Variants in SYTL4 observed in about 807,000 individuals in gnomAD.
SYTL4 encodes the protein synaptotagmin like 4.
SYTL4 carries 16 observed loss-of-function variants against 52.7 expected under a neutral mutation model. The ratio of observed to expected loss-of-function variants is 0.30; its 90% CI spans 0.21 to 0.46. The LOEUF is 0.46. SYTL4 is among the 20% of genes least tolerant of loss of function. The pLI, the probability that SYTL4 is intolerant of heterozygous loss-of-function variation, is 1.00. For synonymous variants in SYTL4, 160 were observed against 186.6 expected, an observed-to-expected ratio of 0.86 and a Z score of 1.16; for missense variants, 423 against 519.9, an observed-to-expected ratio of 0.81 and a Z score of 1.81.
chrX:100,679,621 C>T (rs1239601669), intron 17 of SYTL4, among the ~76,000 whole-genome samples: 1 of 112,141 alleles, frequency 8.9e-6, no homozygotes, highest in Non-Finnish European at 1.9e-5. Flanking sequence ...TTAATAAATG[C>T]CTATTGAAAA....
At chrX:100,713,052 G>A (rs772045890) in intron 2 of SYTL4, among the ~76,000 whole-genome samples, 2 of 112,457 alleles carry the variant, frequency 1.8e-5, no homozygotes, top group African/African-American at 6.5e-5. Flanking sequence ...AAATGGTATA[G>A]CCATATTGGA....
At position 100,701,274 on chromosome X, in the gene SYTL4, C is replaced by A; in HGVS notation, c.382G>T (p.Ala128Ser). 8.3e-7 allele frequency: 1 copy of A among 1,211,685 alleles called. No individual in the cohort carries two copies. The highest frequency in any genetic ancestry group is 1.1e-6 in the Non-Finnish European group (1 of 895,358). Reference protein sequence around the residue: ...WFYDQKVNRFAYRTGSEIIRM... With the variant: ...WFYDQKVNRFSYRTGSEIIRM... ...ATTATCTCACTACCTGTGCGGTAAG[C>A]AAAGCGATTCACTTTCTGGTCATAA... is the stretch of plus-strand genomic sequence containing the variant. Residue 128 changes from alanine (A) to serine (S), a missense_variant, in exon 7 of 20, where the codon GCT becomes TCT. Coordinates refer to ENST00000372989, the MANE Select transcript of SYTL4 (RefSeq NM_001370165.1).
At chrX:100,690,926 A>G (rs763456613) in intron 9 of SYTL4, among the ~76,000 whole-genome samples, 182 bp downstream of exon 9, 2 of 112,772 alleles carry the variant, frequency 1.8e-5, no homozygotes, top group African/African-American at 6.4e-5. Context: ...AGAGATGTCA[A>G]TGTGTTCCAG....
In SYTL4 at chrX:100,691,213, G is replaced by A. The variant is rs921290746; in HGVS notation, c.540-4C>T. On this transcript the variant is annotated splice_polypyrimidine_tract_variant and splice_region_variant and intron_variant, in intron 8 of 19. Coordinates refer to ENST00000372989, the MANE Select transcript of SYTL4 (RefSeq NM_001370165.1). ...CTTTGGCACTTCAAATAGCACACTAGAATAAAAACCAAGAGCCAATATTGA... is the reference window on the plus strand; with the variant it reads ...CTTTGGCACTTCAAATAGCACACTAAAATAAAAACCAAGAGCCAATATTGA... 16 of 1,187,231 alleles carry A rather than the reference G, an allele frequency of 1.3e-5. No homozygotes were observed. The highest frequency in any genetic ancestry group is 1.8e-5 in the African/African-American group (1 of 56,964).
intron 2 of SYTL4, among the ~76,000 whole-genome samples, chrX:100,715,620 C>T (rs986071219): frequency 9.0e-6 from 1 of 110,992 alleles, no homozygotes; most frequent in East Asian, 2.8e-4. Context: ...TTTTTGCTGT[C>T]ATAAGACACA....
At chrX:100,729,136 A>T (rs778851304) in intron 2 of SYTL4, among the ~76,000 whole-genome samples, 2 of 111,228 alleles carry the variant, frequency 1.8e-5, no homozygotes, top group Admixed American at 1.9e-4. Flanking sequence ...AGTAAAGCTG[A>T]GTTTTGGGCC....
intron 2 of SYTL4, among the ~76,000 whole-genome samples, chrX:100,726,257 T>G (rs1183788779): frequency 9.0e-6 from 1 of 110,873 alleles, no homozygotes; most frequent in Non-Finnish European, 1.9e-5. Flanking sequence ...TTTATGGAGG[T>G]ATACTTGACA....
chrX:100,688,763 C>T (rs1280367046), intron 12 of SYTL4, among the ~76,000 whole-genome samples: 1 of 108,790 alleles, frequency 9.2e-6, no homozygotes, highest in Non-Finnish European at 1.9e-5. Flanking sequence ...CAGGGTTTCT[C>T]CATGATGGCC....
At chrX:100,695,713 A>C (rs1040178652) in intron 8 of SYTL4, among the ~76,000 whole-genome samples, 6 of 112,317 alleles carry the variant, frequency 5.3e-5, no homozygotes, top group Non-Finnish European at 1.1e-4. Context: ...TTGAGTAATA[A>C]CTGACATAAA....
chrX:100,713,380 G>A (rs1027296681), intron 2 of SYTL4, among the ~76,000 whole-genome samples: 4 of 111,920 alleles, frequency 3.6e-5, no homozygotes, highest in Non-Finnish European at 7.5e-5. Flanking sequence ...GGGAGGTGGT[G>A]GTTGCAGTGA....
At chrX:100,710,463 A>G (rs997040656) in intron 2 of SYTL4, among the ~76,000 whole-genome samples, 9 of 112,000 alleles carry the variant, frequency 8.0e-5, no homozygotes, top group African/African-American at 2.9e-4. Context: ...TGGTGTCTAC[A>G]CTTTTTTCGA....
chrX:100,704,153 G>A (rs1181397483), intron 3 of SYTL4, among the ~76,000 whole-genome samples: 1 of 111,468 alleles, frequency 9.0e-6, no homozygotes, highest in South Asian at 3.8e-4. Flanking sequence ...CATTTTTAGA[G>A]ACAGAGTTTC....
chrX:100,703,820 G>A (rs1164423687), intron 3 of SYTL4, among the ~76,000 whole-genome samples: 2 of 111,945 alleles, frequency 1.8e-5, no homozygotes, highest in African/African-American at 3.2e-5. Flanking sequence ...GAGTGAAAAA[G>A]TAGTTGTAGG....
At chrX:100,683,392 C>T (rs2083418317) in intron 16 of SYTL4, among the ~76,000 whole-genome samples, 1 of 110,047 alleles carries the variant, frequency 9.1e-6, no homozygotes, top group African/African-American at 3.3e-5. Flanking sequence ...CCCACCTCAG[C>T]CTCCCAAAGT....
chrX:100,676,226 A>G (rs2083275457), intron 19 of SYTL4, 50 bp from the exon 20 acceptor site: 1 of 1,184,305 alleles, frequency 8.4e-7, no homozygotes, highest in African/African-American at 1.7e-5. Flanking sequence ...CTCTCAGCCC[A>G]CCAGGGAAGA....
chrX:100,679,896 C>A (rs5967165), intron 17 of SYTL4, among the ~76,000 whole-genome samples: 8,866 of 111,690 alleles, frequency 0.079, 820 homozygotes, highest in African/African-American at 0.27. Flanking sequence ...CTTGTCCCTT[C>A]CCCTCAGTCT....
chrX:100,712,140 T>C (rs1487990734), intron 2 of SYTL4, among the ~76,000 whole-genome samples: 1 of 111,833 alleles, frequency 8.9e-6, no homozygotes, highest in Non-Finnish European at 1.9e-5. Flanking sequence ...TAAAAAGTGT[T>C]AAAGGAAGTC....
At chrX:100,722,797 T>C (rs1242182559) in intron 2 of SYTL4, among the ~76,000 whole-genome samples, 1 of 111,857 alleles carries the variant, frequency 8.9e-6, no homozygotes, top group African/African-American at 3.3e-5. Context: ...CACTTCCTCA[T>C]CTCTCCAATC....
Position 100,700,897 on chromosome X carries a change from C to G in SYTL4, c.539G>C (p.Ser180Thr). Reference sequence around the variant, plus strand: ...CTTTAAACAATTACTTGATTCTTACCTGGGCTCCTTCTGCCGCTCCTGAAT... The same window carrying G: ...CTTTAAACAATTACTTGATTCTTACGTGGGCTCCTTCTGCCGCTCCTGAAT... Reference protein sequence around the residue: ...KIIQERQKEPSVLFEVPKLKS... With the variant: ...KIIQERQKEPTVLFEVPKLKS... The change falls in exon 8 of 20, where the codon AGT (serine) becomes ACT (threonine). Residue 180 changes from serine to threonine, a missense_variant and splice_region_variant. Transcript: ENST00000372989. 4.2e-6 allele frequency: 5 copies of G among 1,197,247 alleles called. No homozygotes were observed. The highest frequency in any genetic ancestry group is 5.7e-6 in the Non-Finnish European group (5 of 883,473).
Sources: gnomAD v4.1 joint callset for allele counts (sites outside exome capture counted in the v4.1 genomes callset) on GRCh38, gnomAD v4.1.1 for gene constraint, MANE v1.5 for transcripts, NCBI Gene and HGNC (gene_info 2026-07-23, HGNC 2026-07-21) for gene names.